The following PHACTR2 variants were observed in gnomAD, a reference collection of about 807,000 sequenced individuals.
PHACTR2 encodes chromosome 6 open reading frame 56.
A neutral mutation model predicts 76.0 loss-of-function variants in PHACTR2; 30 were observed. The ratio of observed to expected loss-of-function variants is 0.39; its 90% CI spans 0.30 to 0.54. The LOEUF (loss-of-function observed/expected upper bound fraction) is 0.54. Among genes scored for constraint, PHACTR2 ranks in the 20% least tolerant of loss-of-function variants. PHACTR2 has a pLI of 0.61. For missense variants in PHACTR2, 696 were observed against 781.1 expected, an observed-to-expected ratio of 0.89 and a Z score of 1.30; for synonymous variants, 292 against 292.5, an observed-to-expected ratio of 1.00 and a Z score of 0.02.
intron 1 of PHACTR2, among the ~76,000 whole-genome samples, chr6:143,687,995 G>A (rs7775755): frequency 0.031 from 4,675 of 152,212 alleles, 211 homozygotes; most frequent in African/African-American, 0.11. Context: ...CCCACAAAGC[G>A]TCCAGTCTAG....
intron 1 of PHACTR2, among the ~76,000 whole-genome samples, chr6:143,630,518 C>T (rs750818874): frequency 6.6e-6 from 1 of 152,092 alleles, no homozygotes; most frequent in African/African-American, 2.4e-5. Flanking sequence ...ACTCAGTAAA[C>T]AACTATCATT....
chr6:143,705,797 T>A (rs1247448577), intron 1 of PHACTR2, among the ~76,000 whole-genome samples: 3 of 152,304 alleles, frequency 2.0e-5, no homozygotes, highest in African/African-American at 7.2e-5. Context: ...AGGTCCTGTT[T>A]GTCAGCATCT....
chr6:143,573,512 A>G (rs1387361949), intron 1 of PHACTR2, among the ~76,000 whole-genome samples: 2 of 152,210 alleles, frequency 1.3e-5, no homozygotes, highest in African/African-American at 4.8e-5. Flanking sequence ...AATGGATGCA[A>G]TTAAGCCTGA....
chr6:143,809,343 T>C lies in PHACTR2; in HGVS notation c.1922+2210T>C, dbSNP rs1397194118. 1.3e-5 allele frequency among the ~76,000 whole-genome samples: 2 copies of C among 152,100 alleles called. No individual in the cohort carries two copies. Among genetic ancestry groups the C allele is most frequent in the East Asian group, 1.9e-4 (1 of 5,186 alleles). On this transcript the variant is annotated intron_variant, in intron 12 of 12. Transcript: ENST00000440869. This position sits in a 1 kb window ranked among gnomAD's most constrained non-coding sequence, Gnocchi z 4.2. ...GGAGAAGTAAGGGTCATTTTGTTTT[T>C]GTGGGGGTATTTTTTGTTTTTTTGT...
intron 1 of PHACTR2, among the ~76,000 whole-genome samples, chr6:143,569,340 G>T (rs1775411782): frequency 6.6e-6 from 1 of 152,176 alleles, no homozygotes; most frequent in African/African-American, 2.4e-5. Flanking sequence ...CCTCAACTCT[G>T]AGTCACCATG....
At chr6:143,792,713 C>T (rs1775720807) in intron 11 of PHACTR2, among the ~76,000 whole-genome samples, 1 of 152,242 alleles carries the variant, frequency 6.6e-6, no homozygotes, top group South Asian at 2.1e-4. Flanking sequence ...AAGGAAGGCT[C>T]AGAGACTGGG....
intron 1 of PHACTR2, among the ~76,000 whole-genome samples, chr6:143,634,744 C>A (rs1384951589): frequency 1.3e-5 from 2 of 151,624 alleles, no homozygotes; most frequent in Non-Finnish European, 2.9e-5. Context: ...TAGCTTCAGG[C>A]AGATCTTGGG....
In PHACTR2 at chr6:143,592,462, C is replaced by T. The variant is rs1775702034; in HGVS notation, c.217+55255C>T. 6.6e-6 allele frequency among the ~76,000 whole-genome samples: 1 copy of T among 152,112 alleles called. No individual in the cohort carries two copies. The highest frequency in any genetic ancestry group is 1.5e-5 in the Non-Finnish European group (1 of 68,018). On this transcript the variant is annotated intron_variant, in intron 1 of 11. Transcript: ENST00000367584. The surrounding 1 kb of genome is among the most constrained non-coding windows in gnomAD (Gnocchi z 4.0). ...TCCATCCAAAGCCTTGGATGGAAATCCTAATTCCAAGATGTCCCAGTCACA... is the reference window on the plus strand; with the variant it reads ...TCCATCCAAAGCCTTGGATGGAAATTCTAATTCCAAGATGTCCCAGTCACA...
rs868199082 is a variant in PHACTR2, at chr6:143,737,387, G to A, written c.215-11598G>A. Among the ~76,000 whole-genome samples, 37 of 151,758 alleles carry A rather than the reference G, an allele frequency of 2.4e-4. No individual in the cohort carries two copies. The Middle Eastern group carries it at 0.014, about 57-fold the overall frequency. On this transcript the variant is annotated intron_variant, in intron 2 of 12. Coordinates refer to ENST00000440869, the MANE Select transcript of PHACTR2 (RefSeq NM_001100164.2). ...TGGGCTCAAGTGATCCTCCTGTCTC[G>A]GCCTCTCAAAGCTTTGGGATTACAG... is the stretch of plus-strand genomic sequence containing the variant.
rs1194716975 is a variant in PHACTR2 at position 143,828,542 on chromosome 6, T to C, written c.*4853T>C. On this transcript the variant is annotated 3_prime_UTR_variant, in exon 13 of 13. Coordinates refer to ENST00000440869, the MANE Select transcript of PHACTR2 (RefSeq NM_001100164.2). This position sits in a 1 kb window ranked among gnomAD's most constrained non-coding sequence, Gnocchi z 4.7. ...AAATCCTATTGTATATGTTGTAAAA[T>C]TTCTGGCAAAGAAATGGAGGATCCT... 2.0e-5 allele frequency: 3 copies of C among 152,218 alleles called. No homozygotes were observed. Among genetic ancestry groups the C allele is most frequent in the Non-Finnish European group, 4.4e-5 (3 of 68,038 alleles). 9.4% of individuals were successfully genotyped at this position (152,218 alleles called of 1,614,324 possible).
In PHACTR2 at chr6:143,828,407, A is replaced by T. The variant is rs1776589392; in HGVS notation, c.*4718A>T. The T allele has an allele frequency of 6.6e-6, 1 of 152,184 alleles. No homozygotes were observed. The highest frequency in any genetic ancestry group is 1.5e-5 in the Non-Finnish European group (1 of 68,044). The allele number at this position is 152,184 out of a possible 1,614,324, so 9.4% of individuals were successfully genotyped here. ...CACTTCCAATTTCCCTTTTGTAATC[A>T]TTAAGCTTAAGCTATGTATGGAAAT... On this transcript the variant is annotated 3_prime_UTR_variant, in exon 13 of 13. Transcript: ENST00000440869. This position sits in a 1 kb window ranked among gnomAD's most constrained non-coding sequence, Gnocchi z 4.7.
chr6:143,755,624 A>G lies in PHACTR2; in HGVS notation c.454+1712A>G, dbSNP rs1455642249. ...AATTCTTCCTTATCTGATAAGGTCCAAGAGAGCCTGTTGCTTGGCTAGTAG... is the reference window on the plus strand; with the variant it reads ...AATTCTTCCTTATCTGATAAGGTCCGAGAGAGCCTGTTGCTTGGCTAGTAG... On this transcript the variant is annotated intron_variant, in intron 4 of 12. Coordinates refer to ENST00000440869, the MANE Select transcript of PHACTR2 (RefSeq NM_001100164.2). This position sits in a 1 kb window ranked among gnomAD's most constrained non-coding sequence, Gnocchi z 5.2. 1.6e-5 allele frequency: 4 copies of G among 254,470 alleles called. No individual in the cohort carries two copies. In the East Asian group the frequency reaches 3.9e-4, roughly 25 times the overall value. 15.8% of individuals were successfully genotyped at this position (254,470 alleles called of 1,614,324 possible).
At chr6:143,677,951 G>T, upstream of PHACTR2, 1 of 1,249,272 alleles carries the variant, frequency 8.0e-7, no homozygotes, top group Admixed American at 3.9e-5. Flanking sequence ...AATCTGCATA[G>T]AGGAATGACA....
Position 143,761,512 on chromosome 6 carries a change from G to A in PHACTR2, c.694+872G>A, listed in dbSNP as rs772469317. ...CTCACACCCGTAATCCCAGCACTTTGGGAGGCTGATGCGGATCGATCACTT... is the reference window on the plus strand; with the variant it reads ...CTCACACCCGTAATCCCAGCACTTTAGGAGGCTGATGCGGATCGATCACTT... On this transcript the variant is annotated intron_variant, in intron 5 of 12. Transcript: ENST00000440869. The surrounding 1 kb of genome is among the most constrained non-coding windows in gnomAD (Gnocchi z 5.2). Among the ~76,000 whole-genome samples, 3 of 152,120 alleles carry A rather than the reference G, an allele frequency of 2.0e-5. No individual in the cohort carries two copies. The East Asian group carries it at 5.8e-4, about 29-fold the overall frequency.
rs1582764586 is a variant in PHACTR2 at position 143,680,525 on chromosome 6, C to T, written c.46+2316C>T. Among the ~76,000 whole-genome samples, 1 of 152,156 alleles carries T rather than the reference C, an allele frequency of 6.6e-6. No individual in the cohort carries two copies. Among genetic ancestry groups the T allele is most frequent in the African/African-American group, 2.4e-5 (1 of 41,440 alleles). On this transcript the variant is annotated intron_variant, in intron 1 of 12. Transcript: ENST00000440869. This position sits in a 1 kb window ranked among gnomAD's most constrained non-coding sequence, Gnocchi z 4.5. Reference sequence around the variant, plus strand: ...AGGCTAGAAGTTAGCTTGCTTTCCCCGTTTTGACTTTAGGCTCTCTAGAGC... The same window carrying T: ...AGGCTAGAAGTTAGCTTGCTTTCCCTGTTTTGACTTTAGGCTCTCTAGAGC...
chr6:143,640,912 G>GACAGAAGAGGAGAAAATAGACAC (rs1382219011), intron 1 of PHACTR2, among the ~76,000 whole-genome samples: 32 of 152,212 alleles, frequency 2.1e-4, no homozygotes, highest in Admixed American at 9.2e-4. Flanking sequence ...CCTTATGAGA[G>GACAGAAGAGGAGAAAATAGACAC]ACAGAAGAGG....
At chr6:143,620,445 GAA>G (rs10709298) in intron 1 of PHACTR2, among the ~76,000 whole-genome samples, 10 of 146,192 alleles carry the variant, frequency 6.8e-5, no homozygotes, top group Non-Finnish European at 7.5e-5. Flanking sequence ...TTTTTTTTTG[GAA>G]AAAAAAAATG....
At chr6:143,629,844 C>T (rs935335319) in intron 1 of PHACTR2, among the ~76,000 whole-genome samples, 3 of 152,104 alleles carry the variant, frequency 2.0e-5, no homozygotes, top group Admixed American at 6.5e-5. Flanking sequence ...TGCTCAGCTT[C>T]GTTTGGAGTG....
In PHACTR2 at chr6:143,816,228, T is replaced by C. The variant is rs1028240437; in HGVS notation, c.1923-7446T>C. 5.9e-5 allele frequency among the ~76,000 whole-genome samples: 9 copies of C among 152,180 alleles called. No homozygotes were observed. The highest frequency in any genetic ancestry group is 2.2e-4 in the African/African-American group (9 of 41,448). On this transcript the variant is annotated intron_variant, in intron 12 of 12. Coordinates refer to ENST00000440869, the MANE Select transcript of PHACTR2 (RefSeq NM_001100164.2). This position sits in a 1 kb window ranked among gnomAD's most constrained non-coding sequence, Gnocchi z 4.5. Reference sequence around the variant, plus strand: ...AAGCCAAAACTGTCATGCTGTCACATAGACAAACTTCTCAAGACGTAAAGC... The same window carrying C: ...AAGCCAAAACTGTCATGCTGTCACACAGACAAACTTCTCAAGACGTAAAGC...
Sources: allele counts gnomAD v4.1 joint callset (sites outside exome capture counted in the v4.1 genomes callset), GRCh38; gene constraint gnomAD v4.1.1; non-coding constraint Gnocchi (gnomAD v3.1); transcripts MANE v1.5; gene names NCBI Gene and HGNC (gene_info 2026-07-23, HGNC 2026-07-21).